Variants in ABCB5 observed in about 807,000 individuals in gnomAD.
ABCB5 encodes the protein ATP binding cassette subfamily B member 5, also known as ATP-binding cassette sub-family B member 5.
Under a neutral mutation model 144.2 loss-of-function variants are expected in ABCB5, and 155 were observed. The observed-to-expected ratio is 1.08, with a 90% CI of 0.94 to 1.23. The LOEUF is 1.23. Ranked by LOEUF, ABCB5 falls within the 50% of genes most tolerant of loss-of-function variation. The pLI is 0.00. For missense variants in ABCB5, 1,830 were observed against 1,520.8 expected, an observed-to-expected ratio of 1.20 and a Z score of -3.38; for synonymous variants, 610 against 528.6, an observed-to-expected ratio of 1.15 and a Z score of -2.11.
chr7:20,726,067 G>T (rs189450909), intron 21 of ABCB5, among the ~76,000 whole-genome samples: 1 of 152,256 alleles, frequency 6.6e-6, no homozygotes, highest in African/African-American at 2.4e-5. Flanking sequence ...GCCAACACAT[G>T]TTCTCATGTC....
At chr7:20,691,733 C>A (rs1786238760) in intron 16 of ABCB5, among the ~76,000 whole-genome samples, 1 of 151,994 alleles carries the variant, frequency 6.6e-6, no homozygotes, top group Non-Finnish European at 1.5e-5. Flanking sequence ...AAACTCTGCA[C>A]TAAACCTAAC....
chr7:20,712,049 C>T (rs1268548438), intron 20 of ABCB5, among the ~76,000 whole-genome samples: 1 of 142,700 alleles, frequency 7.0e-6, no homozygotes, highest in Non-Finnish European at 1.5e-5. Flanking sequence ...ACCATCCTGG[C>T]TAACACAGTG....
chr7:20,723,301 T>C, intron 21 of ABCB5, 82 bp downstream of exon 21: 1 of 1,356,234 alleles, frequency 7.4e-7, no homozygotes, highest in Non-Finnish European at 1.0e-6. Flanking sequence ...CTATATGATG[T>C]GTTAACCATC....
chr7:20,651,725 G>A (rs1200185391), intron 13 of ABCB5, 102 bp downstream of exon 13: 2 of 1,259,162 alleles, frequency 1.6e-6, no homozygotes, highest in Non-Finnish European at 2.2e-6. Flanking sequence ...TAGTAGGGGT[G>A]TGATTAAATT....
At chr7:20,617,280 T>G (rs1376205046) in intron 1 of ABCB5, among the ~76,000 whole-genome samples, 1 of 152,198 alleles carries the variant, frequency 6.6e-6, no homozygotes, top group Non-Finnish European at 1.5e-5. Flanking sequence ...TTGTTTAAAA[T>G]GTAGATTTTT....
intron 14 of ABCB5, among the ~76,000 whole-genome samples, chr7:20,663,530 C>A (rs371796055): frequency 2.6e-5 from 4 of 151,902 alleles, no homozygotes; most frequent in African/African-American, 9.7e-5. Flanking sequence ...GAGATACATA[C>A]AATAGTCAAA....
intron 5 of ABCB5, among the ~76,000 whole-genome samples, chr7:20,640,926 T>TA (rs1457734726): frequency 6.6e-6 from 1 of 152,184 alleles, no homozygotes; most frequent in Non-Finnish European, 1.5e-5. Context: ...GCAGAGTCAC[T>TA]AACAGTCCTT....
intron 14 of ABCB5, chr7:20,659,859 T>C (rs1784943375): frequency 2.2e-6 from 2 of 906,496 alleles, no homozygotes; most frequent in African/African-American, 1.8e-5. Context: ...AATTTTTGTA[T>C]TTTTAGTAGA....
chr7:20,646,165 C>G (rs772771842), intron 9 of ABCB5, 27 bp downstream of exon 9: 2 of 1,596,764 alleles, frequency 1.3e-6, no homozygotes, highest in African/African-American at 1.3e-5. Context: ...AACAAGGTGT[C>G]AGGCCTGGAT....
At chr7:20,690,018 G>C (rs1422029187) in intron 16 of ABCB5, among the ~76,000 whole-genome samples, 1 of 152,112 alleles carries the variant, frequency 6.6e-6, no homozygotes, top group Admixed American at 6.5e-5. Flanking sequence ...GACAAGTTTG[G>C]ATTCTATTCT....
At chr7:20,634,714 T>C (rs1784113926) in intron 5 of ABCB5, among the ~76,000 whole-genome samples, 1 of 152,144 alleles carries the variant, frequency 6.6e-6, no homozygotes, top group Admixed American at 6.6e-5. Flanking sequence ...AAGTGTCTGC[T>C]CATGTCTTTT....
At chr7:20,656,454 AT>A (rs998111386) in intron 13 of ABCB5, among the ~76,000 whole-genome samples, 2 of 152,160 alleles carry the variant, frequency 1.3e-5, no homozygotes, top group Admixed American at 1.3e-4. Context: ...ATGGGCAAAA[AT>A]TTGAACAGAC....
chr7:20,745,123 T>C (rs777946088), intron 25 of ABCB5, 109 bp from the exon 26 acceptor site: 2 of 1,178,184 alleles, frequency 1.7e-6, no homozygotes, highest in Non-Finnish European at 2.5e-6. Context: ...TGAAATAGCT[T>C]GAATTCCTAT....
intron 23 of ABCB5, among the ~76,000 whole-genome samples, chr7:20,734,131 G>A (rs1782310762): frequency 6.6e-6 from 1 of 151,938 alleles, no homozygotes; most frequent in African/African-American, 2.4e-5. Flanking sequence ...AGAGGATTTG[G>A]TCCTAGAGAT....
chr7:20,720,050 C>T (rs962033145), intron 20 of ABCB5, among the ~76,000 whole-genome samples: 6 of 152,054 alleles, frequency 3.9e-5, no homozygotes, highest in South Asian at 2.1e-4. Flanking sequence ...ATAAAATTCT[C>T]CACTAAAAGA....
At chr7:20,663,083 T>C (rs529971395) in intron 14 of ABCB5, among the ~76,000 whole-genome samples, 2 of 152,326 alleles carry the variant, frequency 1.3e-5, no homozygotes, top group Admixed American at 6.5e-5. Flanking sequence ...GTAGGCACAG[T>C]GAAGCCAGAA....
chr7:20,732,041 T>C (rs1195015900), intron 23 of ABCB5, among the ~76,000 whole-genome samples: 1 of 152,198 alleles, frequency 6.6e-6, no homozygotes, highest in African/African-American at 2.4e-5. Context: ...CCAAAGTCCT[T>C]ACCATGACCT....
intron 4 of ABCB5, among the ~76,000 whole-genome samples, chr7:20,631,739 C>A (rs1315376892): frequency 6.6e-6 from 1 of 152,098 alleles, no homozygotes; most frequent in Non-Finnish European, 1.5e-5. Context: ...TAATCTCAGG[C>A]AGAAGCAGGG....
At chr7:20,631,644 C>A (rs1784041133) in intron 4 of ABCB5, among the ~76,000 whole-genome samples, 1 of 152,100 alleles carries the variant, frequency 6.6e-6, no homozygotes, top group Admixed American at 6.6e-5. Context: ...ATGGCTAATT[C>A]TTCTAGAACT....
Sources: gnomAD v4.1 joint callset for allele counts (sites outside exome capture counted in the v4.1 genomes callset) on GRCh38, gnomAD v4.1.1 for gene constraint, MANE v1.5 for transcripts, NCBI Gene and HGNC (gene_info 2026-07-23, HGNC 2026-07-21) for gene names.